The following DOCK6 variants were observed in gnomAD, a reference collection of about 807,000 sequenced individuals.
The protein encoded by DOCK6 is dedicator of cytokinesis protein 6.
DOCK6 carries 167 observed loss-of-function variants against 230.3 expected under a neutral mutation model. The observed-to-expected ratio is 0.73, with a 90% confidence interval of 0.64 to 0.82. The LOEUF is 0.82. DOCK6 is among the 40% of genes least tolerant of loss of function. DOCK6 has a pLI of 0.00. For synonymous variants in DOCK6, 1,148 were observed against 1,185.0 expected (o/e 0.97, Z 0.64); for missense variants, 2,598 against 2,825.8 (o/e 0.92, Z 1.83).
intron 1 of DOCK6, among the ~76,000 whole-genome samples, chr19:11,258,543 C>T (rs1310523409): frequency 1.3e-5 from 2 of 150,924 alleles, no homozygotes; most frequent in African/African-American, 4.9e-5. Context: ...AGCGATTCTC[C>T]TGCCTCAGCC....
In DOCK6 at chr19:11,236,400, G is replaced by A; in HGVS notation, c.2338C>T (p.Leu780=). Residue 780 remains leucine (L), a synonymous_variant, in exon 20 of 48, where the codon CTG becomes TTG. Coordinates refer to ENST00000294618, the MANE Select transcript of DOCK6 (RefSeq NM_020812.4). This position sits in a 1 kb window ranked among gnomAD's most constrained non-coding sequence, Gnocchi z 5.2. ...EPLVAFSHHV[L]DKLVRLVIRP... Reference sequence around the variant, plus strand: ...ATGACCAGACGCACGAGCTTGTCCAGCACGTGGTGGGAGAAGGCCACAAGG... The same window carrying A: ...ATGACCAGACGCACGAGCTTGTCCAACACGTGGTGGGAGAAGGCCACAAGG... 6.3e-7 allele frequency: 1 copy of A among 1,586,892 alleles called. No homozygotes were observed. The highest frequency in any genetic ancestry group is 8.6e-7 in the Non-Finnish European group (1 of 1,166,984).
At chr19:11,199,636 TC>T in intron 47 of DOCK6, 97 bp from the exon 48 acceptor site, 1 of 1,312,084 alleles carries the variant, frequency 7.6e-7, no homozygotes, top group Non-Finnish European at 1.1e-6. Context: ...CTCGTCTTCC[TC>T]CAAGGATCCT....
intron 1 of DOCK6, 51 bp from the exon 2 acceptor site, chr19:11,253,777 A>G (rs2080159136): frequency 2.4e-6 from 3 of 1,249,834 alleles, no homozygotes; most frequent in Non-Finnish European, 2.2e-6. Flanking sequence ...CAGGCAGCGG[A>G]GCGGACAGAT....
Position 11,216,825 on chromosome 19 carries a change from AC to A in DOCK6, c.3894+88del, listed in dbSNP as rs1028682056. Reference sequence around the variant, plus strand: ...AGAGTCCTCTGCACAAAGACAGTCCACCCCTTCCCACTCAGCCCGCAGCACG... The same window carrying A: ...AGAGTCCTCTGCACAAAGACAGTCCACCCTTCCCACTCAGCCCGCAGCACG... On this transcript the variant is annotated intron_variant, in intron 30 of 47. Coordinates refer to ENST00000294618, the MANE Select transcript of DOCK6 (RefSeq NM_020812.4). 1.2e-5 allele frequency: 16 copies of A among 1,346,062 alleles called. No homozygotes were observed. In the African/African-American group the frequency reaches 2.3e-4, roughly 19 times the overall value. The allele number at this position is 1,346,062 out of a possible 1,614,324, so 83.4% of individuals were successfully genotyped here. A position where few individuals can be genotyped will look rare whatever the true frequency, so the allele number is the denominator to read the frequency against.
chr19:11,250,402 C>G (rs549818761), intron 6 of DOCK6, among the ~76,000 whole-genome samples: 72 of 152,006 alleles, frequency 4.7e-4, no homozygotes, highest in African/African-American at 1.7e-3. Context: ...GCAGCCTTCA[C>G]CTCCCGGGTT....
intron 1 of DOCK6, among the ~76,000 whole-genome samples, chr19:11,255,194 G>A (rs1337507878): frequency 1.3e-5 from 2 of 152,104 alleles, no homozygotes; most frequent in South Asian, 2.1e-4. Flanking sequence ...TAGCAGAGAC[G>A]GGGTTTCACA....
Position 11,243,293 on chromosome 19 carries a change from G to C in DOCK6, c.1351C>G (p.Pro451Ala), listed in dbSNP as rs2079976571. 3.1e-6 allele frequency: 5 copies of C among 1,606,040 alleles called. No individual in the cohort carries two copies. The Middle Eastern group carries it at 8.3e-4, about 265-fold the overall frequency. Residue 451 changes from proline to alanine, a missense_variant, in exon 12 of 48, where the codon CCA (proline) becomes GCA (alanine). Coordinates refer to ENST00000294618, the MANE Select transcript of DOCK6 (RefSeq NM_020812.4). The surrounding 1 kb of genome is among the most constrained non-coding windows in gnomAD (Gnocchi z 6.3). The stretch of plus-strand genomic sequence containing the variant: ...AAGTTTGTGACAGTTAGCGTGGCTG[G>C]ACGGAAGCCAGAGAAGCTGCAGGCG... ...DDACSFSGFR[P>A]ATLTVTNFFK...
In DOCK6 at chr19:11,252,898, G is replaced by T. The variant is rs552306782; in HGVS notation, c.193C>A (p.Pro65Thr). Residue 65 changes from proline (P) to threonine (T), a missense_variant, in exon 3 of 48, where the codon CCA (proline) becomes ACA (threonine). Physicochemically the swap from Pro to Thr is conservative, Grantham distance 38. Coordinates refer to ENST00000294618, the MANE Select transcript of DOCK6 (RefSeq NM_020812.4). The part of the protein sequence containing the change: ...DFEDVLLSRP[P>T]DAEPGPLRDL... ...CTGAGGGGCCCGGGCTCAGCATCTG[G>T]TGGCCGGCTCAGAAGTACATCCTCA... The T allele has an allele frequency of 3.1e-6, 5 of 1,613,626 alleles. No homozygotes were observed. In the African/African-American group the frequency reaches 5.3e-5, roughly 17 times the overall value.
At chr19:11,245,992 A>C (rs2080027217) in intron 7 of DOCK6, 114 bp from the exon 8 acceptor site, 1 of 1,180,148 alleles carries the variant, frequency 8.5e-7, no homozygotes, top group Admixed American at 2.5e-5. Flanking sequence ...GGCCACATGG[A>C]ACCGCCACTT....
intron 1 of DOCK6, among the ~76,000 whole-genome samples, chr19:11,262,174 C>T (rs1285379928): frequency 6.6e-6 from 1 of 152,026 alleles, no homozygotes; most frequent in African/African-American, 2.4e-5. Flanking sequence ...GCCGCCATCG[C>T]GCTCCCAGCC....
chr19:11,253,739 G>T lies in DOCK6; in HGVS notation c.45-13C>A, dbSNP rs765056687. The T allele has an allele frequency of 8.8e-6, 13 of 1,470,834 alleles. No homozygotes were observed. The South Asian group carries it at 1.8e-4, about 21-fold the overall frequency. The allele number at this position is 1,470,834 out of a possible 1,614,324, so 91.1% of individuals were successfully genotyped here. A position where few individuals can be genotyped will look rare whatever the true frequency, so the allele number is the denominator to read the frequency against. On this transcript the variant is annotated splice_polypyrimidine_tract_variant and intron_variant, in intron 1 of 47. Coordinates refer to ENST00000294618, the MANE Select transcript of DOCK6 (RefSeq NM_020812.4). ...TGCGGCCACCGTCCTGGAAAGATAGGGAGGGGGCCATTGGGGACGGGAAAA... is the reference window on the plus strand; with the variant it reads ...TGCGGCCACCGTCCTGGAAAGATAGTGAGGGGGCCATTGGGGACGGGAAAA...
At chr19:11,262,324 G>C (rs2080304276) in intron 1 of DOCK6, 73 bp downstream of exon 1, 1 of 1,051,004 alleles carries the variant, frequency 9.5e-7, no homozygotes, top group Non-Finnish European at 1.2e-6. Context: ...GCCCGGGCGG[G>C]GAGGGTCGCA....
In DOCK6 at chr19:11,215,147, G is replaced by A. The variant is rs138040423; in HGVS notation, c.4106+240C>T. On this transcript the variant is annotated intron_variant, in intron 32 of 47. Transcript: ENST00000294618. ...TTTTTAGTAGAGACAAGGTTTCACC[G>A]TTAGCCAGGATGGTCTCGATCTCCT... Among the ~76,000 whole-genome samples the A allele has an allele frequency of 6.7e-3, 1,015 of 152,102 alleles. 10 individuals carry two copies. Among genetic ancestry groups the A allele is most frequent in the African/African-American group, 0.023 (946 of 41,462 alleles).
At position 11,222,694 on chromosome 19, in the gene DOCK6, T is replaced by A. The variant is rs146727606; in HGVS notation, c.3240+41A>T. On this transcript the variant is annotated intron_variant, in intron 26 of 47. Transcript: ENST00000294618. The surrounding 1 kb of genome is among the most constrained non-coding windows in gnomAD (Gnocchi z 4.0). ...TAGGAGATGGACTGAAGGTGAGAGGTTGTAGGTCAAAGAGAGGAGGCAGAA... is the reference window on the plus strand; with the variant it reads ...TAGGAGATGGACTGAAGGTGAGAGGATGTAGGTCAAAGAGAGGAGGCAGAA... 1.3e-6 allele frequency: 2 copies of A among 1,509,314 alleles called. No homozygotes were observed. Among genetic ancestry groups the A allele is most frequent in the East Asian group, 5.0e-5 (2 of 40,210 alleles). 93.5% of individuals were successfully genotyped at this position (1,509,314 alleles called of 1,614,324 possible).
At chr19:11,252,032 G>C (rs2080124100) in intron 5 of DOCK6, 87 bp downstream of exon 5, 1 of 1,542,046 alleles carries the variant, frequency 6.5e-7, no homozygotes, top group Non-Finnish European at 8.8e-7. Flanking sequence ...AGGCTGTTTG[G>C]GTCATTTCCT....
rs1292154263 is a variant in DOCK6, at chr19:11,203,811, G to A, written c.5235+270C>T. On this transcript the variant is annotated intron_variant, in intron 41 of 47. Transcript: ENST00000294618. ...AGAGTCACCCCGCCACCCCCCTGCA[G>A]TGACCAAGCTGGCCCTGGCAGAGGG... is the stretch of plus-strand genomic sequence containing the variant. 6.9e-6 allele frequency: 4 copies of A among 579,588 alleles called. No homozygotes were observed. In the Admixed American group the frequency reaches 9.3e-5, roughly 14 times the overall value. 35.9% of individuals were successfully genotyped at this position (579,588 alleles called of 1,614,324 possible). A position where few individuals can be genotyped will look rare whatever the true frequency, so the allele number is the denominator to read the frequency against.
At position 11,202,409 on chromosome 19, in the gene DOCK6, C is replaced by T. The variant is rs374823959; in HGVS notation, c.5436G>A (p.Lys1812=). ...GGGGACCCACCTTTTGTGAGTCAAGCTTGGACTTGTCCACAGGGTTAGAGT... is the reference window on the plus strand; with the variant it reads ...GGGGACCCACCTTTTGTGAGTCAAGTTTGGACTTGTCCACAGGGTTAGAGT... The part of the protein sequence containing the change: ...IKDSNPVDKS[K]LDSQKAYIQI... The change falls in exon 43 of 48, where the codon AAG becomes AAA. Residue 1812 remains lysine, a synonymous_variant. Transcript: ENST00000294618. This position sits in a 1 kb window ranked among gnomAD's most constrained non-coding sequence, Gnocchi z 5.3. 79 of 1,613,728 alleles carry T rather than the reference C, an allele frequency of 4.9e-5. No individual in the cohort carries two copies. The highest frequency in any genetic ancestry group is 6.3e-5 in the Non-Finnish European group (74 of 1,179,846).
At position 11,222,531 on chromosome 19, in the gene DOCK6, G is replaced by A. The variant is rs188752363; in HGVS notation, c.3240+204C>T. 1.3e-5 allele frequency among the ~76,000 whole-genome samples: 2 copies of A among 152,282 alleles called. No homozygotes were observed. Among genetic ancestry groups the A allele is most frequent in the Non-Finnish European group, 2.9e-5 (2 of 68,024 alleles). ...GCTGGGAGTTAGGATTTAGGGGAGA[G>A]AAATCAGAGGTTAGTCCTTCTGGGA... On this transcript the variant is annotated intron_variant, in intron 26 of 47. Coordinates refer to ENST00000294618, the MANE Select transcript of DOCK6 (RefSeq NM_020812.4). This position sits in a 1 kb window ranked among gnomAD's most constrained non-coding sequence, Gnocchi z 4.0.
chr19:11,229,864 A>AAAAC (rs1018620016), intron 22 of DOCK6, among the ~76,000 whole-genome samples: 2 of 151,748 alleles, frequency 1.3e-5, no homozygotes, highest in Admixed American at 6.6e-5. Context: ...TACTAAGACA[A>AAAAC]AAACAAACAA....
Sources: gnomAD v4.1 joint callset for allele counts (sites outside exome capture counted in the v4.1 genomes callset) on GRCh38, gnomAD v4.1.1 for gene constraint, Gnocchi (gnomAD v3.1) non-coding constraint, MANE v1.5 for transcripts, NCBI Gene and HGNC (gene_info 2026-07-23, HGNC 2026-07-21) for gene names.